The following PRPSAP2 variants were observed in gnomAD, a reference collection of about 807,000 sequenced individuals.
PRPSAP2 encodes phosphoribosyl pyrophosphate synthetase associated protein 2.
In PRPSAP2, 24 loss-of-function variants were observed where a neutral mutation model predicts 40.6. That is an observed-to-expected ratio of 0.59 (90% CI 0.43 to 0.83). The LOEUF (loss-of-function observed/expected upper bound fraction) is 0.83. PRPSAP2 is among the 40% of genes least tolerant of loss of function. The pLI is 0.00. For missense variants in PRPSAP2, 292 were observed against 465.6 expected (o/e 0.63, Z 3.43); for synonymous variants, 149 against 164.7 (o/e 0.90, Z 0.73).
rs570763052 is a variant in PRPSAP2 at position 18,867,049 on chromosome 17, T to C, written c.120-233T>C. 3.0e-4 allele frequency among the ~76,000 whole-genome samples: 46 copies of C among 152,060 alleles called. 1 individual carries two copies. Among genetic ancestry groups the C allele is most frequent in the South Asian group, 2.7e-3 (13 of 4,814 alleles). On this transcript the variant is annotated intron_variant, in intron 3 of 11. Transcript: ENST00000268835. ...TGGAGTACAGAGTGTCCAAGGAAGA[T>C]GGCTAGTGAGGCAGGCAGAGCGGGA...
In PRPSAP2 at chr17:18,889,931, G is replaced by T. The variant is rs61530127; in HGVS notation, c.584+54G>T. ...GGATCTACTTCTAAGGATTGTATCC[G>T]TGATGAGTTCCAGGCATTCTAATTT... On this transcript the variant is annotated intron_variant, in intron 8 of 11. Coordinates refer to ENST00000268835, the MANE Select transcript of PRPSAP2 (RefSeq NM_002767.4). 3,033 of 1,524,338 alleles carry T rather than the reference G, an allele frequency of 2.0e-3. 47 individuals are homozygous for T. The African/African-American group carries it at 0.036, about 18-fold the overall frequency. The allele number at this position is 1,524,338 out of a possible 1,614,324, so 94.4% of individuals were successfully genotyped here. A position where few individuals can be genotyped will look rare whatever the true frequency, so the allele number is the denominator to read the frequency against.
chr17:18,874,426 G>T (rs1178406449), intron 5 of PRPSAP2, among the ~76,000 whole-genome samples: 2 of 152,158 alleles, frequency 1.3e-5, no homozygotes, highest in Non-Finnish European at 2.9e-5. Flanking sequence ...GGCCATTTCG[G>T]GAGACTTTAG....
intron 1 of PRPSAP2, among the ~76,000 whole-genome samples, chr17:18,863,565 C>T (rs181835076): frequency 1.7e-3 from 262 of 151,716 alleles, no homozygotes; most frequent in African/African-American, 6.2e-3. Flanking sequence ...CGGAGTCTCG[C>T]TCTGTCGCCC....
chr17:18,889,797 A>G (rs771935214), intron 7 of PRPSAP2, 25 bp from the exon 8 acceptor site: 2 of 1,595,484 alleles, frequency 1.3e-6, no homozygotes, highest in Non-Finnish European at 1.7e-6. Flanking sequence ...ACATGCAGTA[A>G]TACCTGACTT....
intron 8 of PRPSAP2, among the ~76,000 whole-genome samples, chr17:18,909,682 ATCATCTGAGG>A (rs1184719957): frequency 1.3e-5 from 2 of 151,940 alleles, no homozygotes; most frequent in African/African-American, 4.8e-5. Context: ...CGGTGGGCAG[ATCATCTGAGG>A]TCAGGAGTTG....
intron 1 of PRPSAP2, among the ~76,000 whole-genome samples, chr17:18,864,597 C>T (rs2037296118): frequency 6.6e-6 from 1 of 151,878 alleles, no homozygotes. Context: ...AGCCATGTTT[C>T]AGGTTTTTAT....
intron 5 of PRPSAP2, among the ~76,000 whole-genome samples, chr17:18,877,251 A>T (rs1174153583): frequency 1.3e-5 from 2 of 151,674 alleles, no homozygotes; most frequent in African/African-American, 4.9e-5. Flanking sequence ...TGTACAGCAA[A>T]GGGGAGCAGA....
intron 11 of PRPSAP2, among the ~76,000 whole-genome samples, chr17:18,929,995 C>T (rs1272044614): frequency 6.6e-6 from 1 of 152,178 alleles, no homozygotes; most frequent in Non-Finnish European, 1.5e-5. Context: ...GGGGGGGCTC[C>T]AGTTTCTCTG....
rs538347948 is a variant in PRPSAP2, at chr17:18,911,534, A to G, written c.733+283A>G. ...TCCATTCATTCATTCAGCAGTATAT[A>G]CTAGAGTGTAGTTTAACATAAGCAA... On this transcript the variant is annotated intron_variant, in intron 9 of 11. Coordinates refer to ENST00000268835, the MANE Select transcript of PRPSAP2 (RefSeq NM_002767.4). This position sits in a 1 kb window ranked among gnomAD's most constrained non-coding sequence, Gnocchi z 4.5. Among the ~76,000 whole-genome samples, 8 of 152,274 alleles carry G rather than the reference A, an allele frequency of 5.3e-5. No individual in the cohort carries two copies. Among genetic ancestry groups the G allele is most frequent in the Admixed American group, 4.6e-4 (7 of 15,282 alleles).
chr17:18,880,349 G>A (rs973946280), intron 6 of PRPSAP2, among the ~76,000 whole-genome samples: 2 of 152,186 alleles, frequency 1.3e-5, no homozygotes, highest in Non-Finnish European at 2.9e-5. Context: ...CGTTACAAAG[G>A]TGGTGAAGGT....
chr17:18,866,727 T>A (rs1427499166), intron 3 of PRPSAP2, among the ~76,000 whole-genome samples: 1 of 152,110 alleles, frequency 6.6e-6, no homozygotes, highest in African/African-American at 2.4e-5. Flanking sequence ...TTTATGAAAT[T>A]TACATTTTAG....
intron 8 of PRPSAP2, among the ~76,000 whole-genome samples, chr17:18,909,932 A>G (rs544429776): frequency 6.6e-6 from 1 of 152,278 alleles, no homozygotes; most frequent in South Asian, 2.1e-4. Flanking sequence ...ATGTGCCCAT[A>G]CAGAGATCTG....
At chr17:18,877,643 CAG>C (rs2038400422) in intron 5 of PRPSAP2, 53 bp from the exon 6 acceptor site, 2 of 1,491,094 alleles carry the variant, frequency 1.3e-6, no homozygotes, top group South Asian at 2.6e-5. Flanking sequence ...CTTTTTGGAA[CAG>C]GGAATACTGT....
chr17:18,887,390 C>T (rs557112237), intron 7 of PRPSAP2, among the ~76,000 whole-genome samples: 4 of 152,102 alleles, frequency 2.6e-5, no homozygotes, highest in South Asian at 4.1e-4. Context: ...TGCACCACCA[C>T]GCCTGGCTAA....
chr17:18,894,566 G>A lies in PRPSAP2; in HGVS notation c.584+4689G>A, dbSNP rs1328047168. On this transcript the variant is annotated intron_variant, in intron 8 of 11. Transcript: ENST00000268835. Reference sequence around the variant, plus strand: ...GCAATCTTGGCTCACTGCACCCTCCGCCTCCTGGGTTTAAGCAATTCTCTG... The same window carrying A: ...GCAATCTTGGCTCACTGCACCCTCCACCTCCTGGGTTTAAGCAATTCTCTG... Among the ~76,000 whole-genome samples the A allele has an allele frequency of 5.5e-5, 8 of 144,746 alleles. No individual in the cohort carries two copies. The East Asian group carries it at 1.1e-3, about 19-fold the overall frequency. 95.0% of individuals were successfully genotyped at this position (144,746 alleles called of 152,430 possible). A position where few individuals can be genotyped will look rare whatever the true frequency, so the allele number is the denominator to read the frequency against.
chr17:18,868,664 A>G (rs1408399296), intron 4 of PRPSAP2, among the ~76,000 whole-genome samples: 12 of 152,054 alleles, frequency 7.9e-5, no homozygotes, highest in Non-Finnish European at 1.5e-4. Context: ...TTTGGCACAC[A>G]GTAGGTGCTC....
rs959324090 is a variant in PRPSAP2, at chr17:18,867,351, A to G, written c.172+17A>G. 1 of 1,613,550 alleles carries G rather than the reference A, an allele frequency of 6.2e-7. No individual in the cohort carries two copies. The highest frequency in any genetic ancestry group is 8.5e-7 in the Non-Finnish European group (1 of 1,179,576). ...CTAACAGAGGTGAGCTATCTTGGGCATGTGGAACATTGACCTTTTTGTGAA... is the reference window on the plus strand; with the variant it reads ...CTAACAGAGGTGAGCTATCTTGGGCGTGTGGAACATTGACCTTTTTGTGAA... On this transcript the variant is annotated intron_variant, in intron 4 of 11. Coordinates refer to ENST00000268835, the MANE Select transcript of PRPSAP2 (RefSeq NM_002767.4).
intron 8 of PRPSAP2, among the ~76,000 whole-genome samples, chr17:18,910,416 T>A (rs997470189): frequency 1.3e-5 from 2 of 151,876 alleles, no homozygotes; most frequent in Non-Finnish European, 1.5e-5. Flanking sequence ...AGAGCAAGAC[T>A]CCATCTCAAA....
intron 1 of PRPSAP2, among the ~76,000 whole-genome samples, chr17:18,861,859 A>G (rs989632142): frequency 1.4e-4 from 21 of 150,026 alleles, no homozygotes; most frequent in Non-Finnish European, 1.5e-5. Flanking sequence ...CAGAAGCTGC[A>G]GGAAGAGGAA....
Sources: gnomAD v4.1 joint callset for allele counts (sites outside exome capture counted in the v4.1 genomes callset) on GRCh38, gnomAD v4.1.1 for gene constraint, Gnocchi (gnomAD v3.1) non-coding constraint, MANE v1.5 for transcripts, NCBI Gene and HGNC (gene_info 2026-07-23, HGNC 2026-07-21) for gene names.